CNBD1: variants seen among roughly 807,000 people sequenced by gnomAD.
CNBD1 encodes cyclic nucleotide binding domain containing 1.
A neutral mutation model predicts 54.4 loss-of-function variants in CNBD1; 71 were observed. The ratio of observed to expected loss-of-function variants is 1.30; its 90% CI spans 1.08 to 1.59. The LOEUF (loss-of-function observed/expected upper bound fraction) is 1.59. Among genes scored for constraint, CNBD1 ranks in the 40% most tolerant of loss-of-function variants. CNBD1 has a pLI of 0.00. For synonymous variants in CNBD1, 182 were observed against 170.7 expected (o/e 1.07, Z -0.51); for missense variants, 659 against 518.0 (o/e 1.27, Z -2.64).
chr8:87,159,928 T>C (rs1812820379), intron 4 of CNBD1, among the ~76,000 whole-genome samples: 1 of 130,448 alleles, frequency 7.7e-6, no homozygotes, highest in Non-Finnish European at 1.7e-5. Flanking sequence ...GATACATAGC[T>C]TTTTTTTTTT....
chr8:87,234,640 G>A (rs1807534801), intron 5 of CNBD1, among the ~76,000 whole-genome samples: 1 of 152,088 alleles, frequency 6.6e-6, no homozygotes, highest in African/African-American at 2.4e-5. Flanking sequence ...ATCTAGGCTT[G>A]GTTGTTCCAT....
At chr8:86,942,689 C>T (rs1287383487) in intron 4 of CNBD1, among the ~76,000 whole-genome samples, 1 of 152,164 alleles carries the variant, frequency 6.6e-6, no homozygotes, top group Admixed American at 6.5e-5. Flanking sequence ...TAATCAGGGG[C>T]CTATATATCC....
intron 10 of CNBD1, 70 bp from the exon 11 acceptor site, chr8:87,382,550 T>C (rs1379064017): frequency 1.0e-5 from 13 of 1,272,306 alleles, no homozygotes; most frequent in Non-Finnish European, 1.4e-5. Context: ...GGTTCTATTC[T>C]GTAGGAAAAT....
At chr8:86,899,853 A>G (rs1336694085) in intron 2 of CNBD1, among the ~76,000 whole-genome samples, 1 of 152,122 alleles carries the variant, frequency 6.6e-6, no homozygotes, top group Non-Finnish European at 1.5e-5. Flanking sequence ...ATTCTCCTTC[A>G]AGAGTCCTTC....
chr8:87,278,681 C>T (rs1387501722), intron 6 of CNBD1, among the ~76,000 whole-genome samples: 1 of 151,370 alleles, frequency 6.6e-6, no homozygotes, highest in Non-Finnish European at 1.5e-5. Context: ...TTGGCAGAAA[C>T]AAAGTTATCC....
chr8:87,187,145 T>G (rs1190614078), intron 4 of CNBD1, among the ~76,000 whole-genome samples: 1 of 152,102 alleles, frequency 6.6e-6, no homozygotes, highest in African/African-American at 2.4e-5. Context: ...AGGCAACATT[T>G]TTATATTGAA....
rs768463724 is a variant in CNBD1, at chr8:87,382,627, G to T, written c.1311G>T (p.Ter437TyrextTer2). The T allele has an allele frequency of 5.9e-6, 9 of 1,536,178 alleles. No individual in the cohort carries two copies. The highest frequency in any genetic ancestry group is 2.0e-5 in the Admixed American group (1 of 50,672). ...TTTGTTTGCCTTTTGCAGTGGCCTA[G>T]ATCTAGAAACAACCTCAGTGAACAT... ...IIEDKDLFVA* is the reference protein window; with the variant it reads ...IIEDKDLFVAY Residue 437 changes from the stop codon to tyrosine, a stop_lost, in exon 11 of 11, where the codon TAG becomes TAT. Coordinates refer to ENST00000518476, the MANE Select transcript of CNBD1 (RefSeq NM_173538.3).
At chr8:87,328,361 CTTTA>C (rs959409815) in intron 8 of CNBD1, among the ~76,000 whole-genome samples, 9 of 151,658 alleles carry the variant, frequency 5.9e-5, no homozygotes, top group South Asian at 2.1e-4. Flanking sequence ...CTTTTAACTA[CTTTA>C]TTTAATATTT....
intron 2 of CNBD1, among the ~76,000 whole-genome samples, chr8:86,890,715 G>C (rs1470691134): frequency 3.3e-5 from 5 of 152,028 alleles, no homozygotes; most frequent in African/African-American, 1.2e-4. Flanking sequence ...CAATGTACCT[G>C]TATGAGGGTT....
At chr8:87,325,175 T>A (rs1362430699) in intron 8 of CNBD1, among the ~76,000 whole-genome samples, 1 of 95,386 alleles carries the variant, frequency 1.0e-5, no homozygotes, top group Non-Finnish European at 2.0e-5. Flanking sequence ...AGATAGTTTG[T>A]TATAATTTCT....
chr8:87,153,930 A>G (rs1812659608), intron 4 of CNBD1, among the ~76,000 whole-genome samples: 1 of 152,146 alleles, frequency 6.6e-6, no homozygotes, highest in Admixed American at 6.6e-5. Flanking sequence ...AAGAGGTAAA[A>G]TTATATGGGA....
intron 10 of CNBD1, among the ~76,000 whole-genome samples, chr8:87,362,251 C>G (rs1810537283): frequency 6.6e-6 from 1 of 152,038 alleles, no homozygotes; most frequent in Non-Finnish European, 1.5e-5. Context: ...GAAACAAGGG[C>G]ACAGTCTCCC....
chr8:87,412,911 T>C (rs1374567777), intron 2 of CNBD1, among the ~76,000 whole-genome samples: 1 of 152,048 alleles, frequency 6.6e-6, no homozygotes, highest in Non-Finnish European at 1.5e-5. Context: ...AAGTCAATTA[T>C]GAATTTGTCT....
At chr8:87,060,742 A>G (rs1381767871) in intron 4 of CNBD1, among the ~76,000 whole-genome samples, 1 of 152,154 alleles carries the variant, frequency 6.6e-6, no homozygotes, top group Admixed American at 6.5e-5. Context: ...CTAAAATAAA[A>G]TTTTTAAAAT....
chr8:87,349,445 A>C (rs1001941083), intron 8 of CNBD1, among the ~76,000 whole-genome samples: 2 of 152,122 alleles, frequency 1.3e-5, no homozygotes, highest in African/African-American at 4.8e-5. Flanking sequence ...TCATGAGCTC[A>C]GCTCACTGCA....
chr8:86,913,230 C>T (rs1440356263), intron 3 of CNBD1, among the ~76,000 whole-genome samples: 9 of 152,160 alleles, frequency 5.9e-5, no homozygotes, highest in Non-Finnish European at 1.5e-5. Context: ...ATGTCCTACT[C>T]ACTCACTGAC....
intron 8 of CNBD1, among the ~76,000 whole-genome samples, chr8:87,333,687 T>G (rs1206206915): frequency 1.3e-5 from 2 of 151,462 alleles, no homozygotes; most frequent in Non-Finnish European, 3.0e-5. Context: ...TTATTGATGT[T>G]AAACCAGCCT....
At chr8:87,392,860 TGTCTGGGACTAGCTTG>T (rs1432622960) in intron 2 of CNBD1, among the ~76,000 whole-genome samples, 1 of 151,960 alleles carries the variant, frequency 6.6e-6, no homozygotes, top group African/African-American at 2.4e-5. Context: ...GAGATGATGA[TGTCTGGGACTAGCTTG>T]GGAATATTGA....
At chr8:86,913,733 G>C (rs886931279) in intron 3 of CNBD1, among the ~76,000 whole-genome samples, 3 of 152,126 alleles carry the variant, frequency 2.0e-5, no homozygotes, top group Non-Finnish European at 2.9e-5. Context: ...CGCTGTGCAC[G>C]CATTGTCAGG....
Sources: allele counts gnomAD v4.1 joint callset (sites outside exome capture counted in the v4.1 genomes callset), GRCh38; gene constraint gnomAD v4.1.1; transcripts MANE v1.5; gene names NCBI Gene and HGNC (gene_info 2026-07-23, HGNC 2026-07-21).